RASSF3: variants seen among roughly 807,000 people sequenced by gnomAD.
RASSF3 encodes the protein Ras association domain family member 3.
In RASSF3, 19 loss-of-function variants were observed where a neutral mutation model predicts 19.9. The ratio of observed to expected loss-of-function variants is 0.96; its 90% confidence interval spans 0.67 to 1.40. The LOEUF (loss-of-function observed/expected upper bound fraction) is 1.40, where lower values mean the gene tolerates loss of function less well. Ranked by LOEUF, RASSF3 falls within the 40% of genes most tolerant of loss-of-function variation. RASSF3 has a pLI of 0.00. For synonymous variants in RASSF3, 110 were observed against 104.2 expected (o/e 1.06, Z -0.34); for missense variants, 306 against 289.8 (o/e 1.06, Z -0.41).
chr12:64,627,166 T>G (rs1424201000), intron 1 of RASSF3, among the ~76,000 whole-genome samples: 2 of 152,224 alleles, frequency 1.3e-5, no homozygotes, highest in African/African-American at 4.8e-5. Context: ...AAAAATGGTT[T>G]TCTCTTTTAA....
chr12:64,575,911 C>T (rs188081871), intron 2 of RASSF3, among the ~76,000 whole-genome samples: 546 of 140,504 alleles, frequency 3.9e-3, no homozygotes, highest in African/African-American at 0.013. Context: ...CTTTTTGAGA[C>T]GGAGTTTTGC....
At chr12:64,559,419 TTTGTTGTTG>T (rs56226235) in intron 2 of RASSF3, among the ~76,000 whole-genome samples, 38 of 149,136 alleles carry the variant, frequency 2.5e-4, no homozygotes, top group Admixed American at 1.0e-3. Context: ...AATTGTTGTT[TTTGTTGTTG>T]TTGTTGTTGT....
chr12:64,525,640 G>A (rs571076632), intron 1 of RASSF3, among the ~76,000 whole-genome samples: 3 of 152,256 alleles, frequency 2.0e-5, no homozygotes, highest in East Asian at 1.9e-4. Flanking sequence ...CCTTGGCTGC[G>A]GAATGGGAAA....
upstream of RASSF3, among the ~76,000 whole-genome samples, chr12:64,529,079 T>C (rs773934686): frequency 5.1e-4 from 77 of 152,212 alleles, 1 homozygote; most frequent in Admixed American, 2.4e-3. Flanking sequence ...CTTCCCTAGA[T>C]TGAATGATCA....
chr12:64,660,487 CT>C (rs1872317383), intron 1 of RASSF3, among the ~76,000 whole-genome samples: 1 of 152,074 alleles, frequency 6.6e-6, no homozygotes, highest in Non-Finnish European at 1.5e-5. Flanking sequence ...TTGCACCTGG[CT>C]TGGTGCTATG....
At chr12:64,528,104 A>G (rs1868629060) in intron 1 of RASSF3, among the ~76,000 whole-genome samples, 1 of 151,926 alleles carries the variant, frequency 6.6e-6, no homozygotes, top group Non-Finnish European at 1.5e-5. Context: ...AAACACACAC[A>G]CACAAAATGT....
chr12:64,602,542 C>G (rs1870110675), intron 2 of RASSF3, among the ~76,000 whole-genome samples: 1 of 149,892 alleles, frequency 6.7e-6, no homozygotes, highest in Non-Finnish European at 1.5e-5. Flanking sequence ...GATCACGCCA[C>G]TACACTCCAG....
intron 1 of RASSF3, among the ~76,000 whole-genome samples, chr12:64,507,838 C>T (rs958922390): frequency 1.3e-5 from 2 of 152,044 alleles, no homozygotes; most frequent in Non-Finnish European, 2.9e-5. Context: ...TTTAAAGCAC[C>T]TTATATTTGC....
rs894031628 is a variant in RASSF3 at position 64,637,822 on chromosome 12, A to G, written c.111+27079A>G. Among the ~76,000 whole-genome samples the G allele has an allele frequency of 2.7e-5, 4 of 147,534 alleles. No individual in the cohort carries two copies. In the South Asian group the frequency reaches 6.4e-4, roughly 24 times the overall value. ...GGATGTTGCTTTGTGCCCTTTTTCTATAGTTATCAGATTTTTTTTTTTTTT... is the reference window on the plus strand; with the variant it reads ...GGATGTTGCTTTGTGCCCTTTTTCTGTAGTTATCAGATTTTTTTTTTTTTT... On this transcript the variant is annotated intron_variant, in intron 1 of 4. Transcript: ENST00000542104.
chr12:64,591,289 A>G lies in RASSF3; in HGVS notation c.294+49584A>G, dbSNP rs376361994. On this transcript the variant is annotated intron_variant, in intron 2 of 5. Coordinates refer to the RASSF3 transcript ENST00000637125. ...CAGGAGTTTGAGACCAGTCTGGCCA[A>G]CATAGTGAAACGCCATCTCTACTAA... is the stretch of plus-strand genomic sequence containing the variant. Among the ~76,000 whole-genome samples, 4 of 152,288 alleles carry G rather than the reference A, an allele frequency of 2.6e-5. No homozygotes were observed. In the East Asian group the frequency reaches 5.8e-4, roughly 22 times the overall value.
At chr12:64,646,675 T>TA (rs1424555965) in intron 1 of RASSF3, among the ~76,000 whole-genome samples, 1 of 152,172 alleles carries the variant, frequency 6.6e-6, no homozygotes, top group Non-Finnish European at 1.5e-5. Context: ...GCTGAAATAT[T>TA]AAAAAATCAC....
At chr12:64,625,169 A>C (rs1467827985) in intron 1 of RASSF3, among the ~76,000 whole-genome samples, 1 of 152,114 alleles carries the variant, frequency 6.6e-6, no homozygotes, top group East Asian at 1.9e-4. Flanking sequence ...TGGGAATCTC[A>C]ATGTAATTGA....
At chr12:64,601,328 TA>T (rs1870087617) in intron 2 of RASSF3, among the ~76,000 whole-genome samples, 1 of 152,156 alleles carries the variant, frequency 6.6e-6, no homozygotes, top group Non-Finnish European at 1.5e-5. Flanking sequence ...GAAACCATTC[TA>T]GTAGTTATTG....
At chr12:64,561,465 T>C (rs1186140529) in intron 2 of RASSF3, among the ~76,000 whole-genome samples, 1 of 152,196 alleles carries the variant, frequency 6.6e-6, no homozygotes, top group Non-Finnish European at 1.5e-5. Context: ...GTATTCTCCC[T>C]GACCTCCTGC....
At chr12:64,667,604 C>T (rs1489173247) in intron 1 of RASSF3, among the ~76,000 whole-genome samples, 1 of 152,204 alleles carries the variant, frequency 6.6e-6, no homozygotes, top group African/African-American at 2.4e-5. Context: ...TCAAAGAGGA[C>T]CAAATTTCAT....
intron 1 of RASSF3, among the ~76,000 whole-genome samples, chr12:64,535,560 C>G (rs1868806492): frequency 6.6e-6 from 1 of 152,010 alleles, no homozygotes; most frequent in African/African-American, 2.4e-5. Flanking sequence ...GAGACAGGGT[C>G]CCTCCATGTT....
rs1871440462 is a variant in RASSF3 at position 64,639,584 on chromosome 12, CT to C, written c.111+28846del. Reference sequence around the variant, plus strand: ...AGAATGGCATAAATCATGACAAGGTCTTTTTGAAGTCACCTGGAATGCTCCC... The same window carrying C: ...AGAATGGCATAAATCATGACAAGGTCTTTTGAAGTCACCTGGAATGCTCCC... On this transcript the variant is annotated intron_variant, in intron 1 of 4. Transcript: ENST00000542104. Among the ~76,000 whole-genome samples, 3 of 152,082 alleles carry C rather than the reference CT, an allele frequency of 2.0e-5. No individual in the cohort carries two copies. The South Asian group carries it at 6.2e-4, about 32-fold the overall frequency.
intron 1 of RASSF3, among the ~76,000 whole-genome samples, chr12:64,684,018 GT>G (rs1873239955): frequency 1.6e-5 from 1 of 63,044 alleles, no homozygotes; most frequent in Non-Finnish European, 5.0e-5. Flanking sequence ...GAGTGAGTGT[GT>G]GTGTGTGTGT....
chr12:64,540,389 C>T (rs895388683), intron 1 of RASSF3, among the ~76,000 whole-genome samples: 1 of 152,032 alleles, frequency 6.6e-6, no homozygotes, highest in African/African-American at 2.4e-5. Flanking sequence ...TTTGATAGTT[C>T]CTCAAAAAGT....
Sources: gnomAD v4.1 joint callset for allele counts (sites outside exome capture counted in the v4.1 genomes callset) on GRCh38, gnomAD v4.1.1 for gene constraint, MANE v1.5 for transcripts, NCBI Gene and HGNC (gene_info 2026-07-23, HGNC 2026-07-21) for gene names.